KCNQ5: variants seen among roughly 807,000 people sequenced by gnomAD.
KCNQ5 encodes the protein potassium voltage-gated channel subfamily Q member 5, also known as potassium voltage-gated channel subfamily KQT member 5.
In KCNQ5, 30 loss-of-function variants were observed where a neutral mutation model predicts 98.2. The ratio of observed to expected loss-of-function variants is 0.31; its 90% confidence interval spans 0.23 to 0.41. KCNQ5 has a LOEUF of 0.41. KCNQ5 is among the 10% of genes least tolerant of loss of function. The probability of loss-of-function intolerance (pLI) is 1.00; values close to 1 mark genes in which losing one functional copy is unlikely to be tolerated. For synonymous variants in KCNQ5, 458 were observed against 449.4 expected (o/e 1.02, Z -0.24); for missense variants, 835 against 1,182.5 (o/e 0.71, Z 4.31).
At chr6:72,842,559 C>A in intron 1 of KCNQ5, among the ~76,000 whole-genome samples, 1 of 152,032 alleles carries the variant, frequency 6.6e-6, no homozygotes, top group East Asian at 1.9e-4. Context: ...CCATCTGACT[C>A]TTAAATTTAA....
intron 1 of KCNQ5, among the ~76,000 whole-genome samples, chr6:72,654,890 G>A (rs1268211737): frequency 6.6e-6 from 1 of 152,012 alleles, no homozygotes; most frequent in Non-Finnish European, 1.5e-5. Context: ...TGACTAAATT[G>A]TAATTAAGTA....
intron 10 of KCNQ5, among the ~76,000 whole-genome samples, chr6:73,138,425 CA>C (rs1201712925): frequency 3.2e-4 from 48 of 152,286 alleles, no homozygotes; most frequent in African/African-American, 1.1e-3. Flanking sequence ...TACAGAATTG[CA>C]ATCAAAGAGT....
At chr6:72,646,263 A>G (rs1276991414) in intron 1 of KCNQ5, among the ~76,000 whole-genome samples, 2 of 152,130 alleles carry the variant, frequency 1.3e-5, no homozygotes, top group Non-Finnish European at 2.9e-5. Context: ...ATATATATAC[A>G]TATATAATGA....
intron 1 of KCNQ5, among the ~76,000 whole-genome samples, chr6:72,894,089 G>A (rs1408261836): frequency 2.6e-5 from 4 of 152,146 alleles, no homozygotes; most frequent in South Asian, 2.1e-4. Flanking sequence ...AACTAAAAAC[G>A]TTCTCAAACA....
intron 1 of KCNQ5, among the ~76,000 whole-genome samples, chr6:72,634,765 G>T (rs773309775): frequency 1.3e-4 from 20 of 152,016 alleles, no homozygotes; most frequent in Non-Finnish European, 2.8e-4. Flanking sequence ...ATGGGGTTTT[G>T]TTATGTTGAC....
At chr6:72,980,099 C>T (rs7738305) in intron 1 of KCNQ5, among the ~76,000 whole-genome samples, 151,793 of 152,330 alleles carry the variant, frequency 1, 75,632 homozygotes, top group Middle Eastern at 1. Flanking sequence ...TAGTTTCAAG[C>T]CAGGTAGCAT....
intron 8 of KCNQ5, among the ~76,000 whole-genome samples, chr6:73,120,915 A>G (rs144175394): frequency 2.4e-4 from 37 of 152,322 alleles, no homozygotes; most frequent in Non-Finnish European, 4.1e-4. Flanking sequence ...AACAAGGATT[A>G]TTTATTTTGC....
chr6:73,168,896 C>T (rs921218890), intron 10 of KCNQ5, among the ~76,000 whole-genome samples: 1 of 152,074 alleles, frequency 6.6e-6, no homozygotes, highest in Non-Finnish European at 1.5e-5. Context: ...TAACAATATA[C>T]TGTGACACTT....
At chr6:72,886,768 T>G (rs1337351920) in intron 1 of KCNQ5, among the ~76,000 whole-genome samples, 1 of 152,122 alleles carries the variant, frequency 6.6e-6, no homozygotes, top group Non-Finnish European at 1.5e-5. Context: ...TATTTTAAAG[T>G]TCTGAGAGAA....
At chr6:73,023,920 T>C (rs1396414891) in intron 2 of KCNQ5, among the ~76,000 whole-genome samples, 1 of 152,222 alleles carries the variant, frequency 6.6e-6, no homozygotes, top group African/African-American at 2.4e-5. Context: ...AGTAACCTGC[T>C]ACTGCCAATT....
intron 3 of KCNQ5, among the ~76,000 whole-genome samples, chr6:73,070,250 G>A (rs1043095713): frequency 6.6e-6 from 1 of 151,950 alleles, no homozygotes; most frequent in Non-Finnish European, 1.5e-5. Context: ...ATAGGAATAG[G>A]CAATAAAACA....
chr6:72,978,220 A>G (rs1768250012), intron 1 of KCNQ5, among the ~76,000 whole-genome samples: 1 of 151,868 alleles, frequency 6.6e-6, no homozygotes, highest in African/African-American at 2.4e-5. Context: ...TTTTGAATTC[A>G]TTATTCCTGA....
chr6:73,192,800 C>T (rs1476502740), intron 13 of KCNQ5, 109 bp downstream of exon 13: 1 of 978,898 alleles, frequency 1.0e-6, no homozygotes, highest in African/African-American at 1.7e-5. Flanking sequence ...AATAAAATCA[C>T]AAAAAGAGTG....
At chr6:72,679,225 A>G (rs1329860274) in intron 1 of KCNQ5, among the ~76,000 whole-genome samples, 1 of 152,294 alleles carries the variant, frequency 6.6e-6, no homozygotes, top group Admixed American at 6.5e-5. Context: ...ATTACAGGGT[A>G]TATACCCAAA....
intron 9 of KCNQ5, chr6:73,125,473 A>G (rs757686408): frequency 1.9e-6 from 1 of 517,662 alleles, no homozygotes; most frequent in African/African-American, 1.9e-5. Flanking sequence ...TTTTCCTATC[A>G]TTGTCACTGT....
intron 1 of KCNQ5, among the ~76,000 whole-genome samples, chr6:72,853,717 G>A (rs1562025762): frequency 6.6e-6 from 1 of 152,160 alleles, no homozygotes; most frequent in African/African-American, 2.4e-5. Context: ...AGCTTAACAG[G>A]CACTGAAGGG....
intron 1 of KCNQ5, among the ~76,000 whole-genome samples, chr6:72,699,829 A>G (rs1768702740): frequency 6.6e-6 from 1 of 152,216 alleles, no homozygotes; most frequent in Non-Finnish European, 1.5e-5. Context: ...ACTGTTCATT[A>G]CTTAGACTGT....
Position 72,798,749 on chromosome 6 carries a change from T to C in KCNQ5, c.398+176162T>C, listed in dbSNP as rs182585426. On this transcript the variant is annotated intron_variant, in intron 1 of 13. Coordinates refer to ENST00000370398, the MANE Select transcript of KCNQ5 (RefSeq NM_019842.4). ...AGTTAGGTGCACAGAATGGGATTGA[T>C]CAAGCCCCCAGTTCATGGTACACAG... Among the ~76,000 whole-genome samples, 6 of 152,324 alleles carry C rather than the reference T, an allele frequency of 3.9e-5. No homozygotes were observed. The East Asian group carries it at 9.6e-4, about 24-fold the overall frequency.
At chr6:72,798,922 A>G (rs544089557) in intron 1 of KCNQ5, among the ~76,000 whole-genome samples, 9 of 152,028 alleles carry the variant, frequency 5.9e-5, no homozygotes, top group Non-Finnish European at 1.0e-4. Context: ...TTAAATTTTT[A>G]TGAATGCATA....
Sources: allele counts gnomAD v4.1 joint callset (sites outside exome capture counted in the v4.1 genomes callset), GRCh38; gene constraint gnomAD v4.1.1; transcripts MANE v1.5; gene names NCBI Gene and HGNC (gene_info 2026-07-23, HGNC 2026-07-21).